Variants in BBS7 observed in about 807,000 individuals in gnomAD.
BBS7 encodes the protein Bardet-Biedl syndrome 7.
In BBS7, 50 loss-of-function variants were observed where a neutral mutation model predicts 90.3. The ratio of observed to expected loss-of-function variants is 0.55; its 90% CI spans 0.44 to 0.70. BBS7 has a LOEUF of 0.70. Ranked by LOEUF, BBS7 falls within the 30% of genes least tolerant of loss-of-function variation. BBS7 has a pLI of 0.00. For synonymous variants in BBS7, 235 were observed against 287.4 expected, an observed-to-expected ratio of 0.82 and a Z score of 1.85; for missense variants, 729 against 838.9, an observed-to-expected ratio of 0.87 and a Z score of 1.62.
chr4:121,854,609 A>G (rs935453135), intron 7 of BBS7, 95 bp downstream of exon 7: 1 of 1,222,742 alleles, frequency 8.2e-7, no homozygotes, highest in Admixed American at 2.2e-5. Context: ...TAAGTCTGCT[A>G]TGTAGTATAA....
chr4:121,826,532 TG>T (rs1724916588), intron 18 of BBS7, among the ~76,000 whole-genome samples: 1 of 152,222 alleles, frequency 6.6e-6, no homozygotes, highest in Non-Finnish European at 1.5e-5. Context: ...TGATGCAAGA[TG>T]TATTTCAGAA....
Position 121,833,113 on chromosome 4 carries a change from C to CT in BBS7, c.1676+117dup, listed in dbSNP as rs1451230092. The CT allele has an allele frequency of 2.7e-5, 26 of 973,578 alleles. No homozygotes were observed. In the East Asian group the frequency reaches 6.4e-4, roughly 24 times the overall value. 60.3% of individuals were successfully genotyped at this position (973,578 alleles called of 1,614,324 possible). On this transcript the variant is annotated intron_variant, in intron 15 of 18. Coordinates refer to ENST00000264499, the MANE Select transcript of BBS7 (RefSeq NM_176824.3). ...CTAATTTGATTTTTCAATAGATTAT[C>CT]TTGAACAGTATAGATTTTCAATCAG... is the stretch of plus-strand genomic sequence containing the variant.
At chr4:121,854,935 AACTT>A (rs1285678647) in intron 6 of BBS7, 115 bp from the exon 7 acceptor site, 6 of 1,016,842 alleles carry the variant, frequency 5.9e-6, no homozygotes, top group Non-Finnish European at 8.7e-6. Flanking sequence ...AAAGATATAA[AACTT>A]AATTGTTGAG....
At position 121,868,011 on chromosome 4, in the gene BBS7, A is replaced by G; in HGVS notation, c.72T>C (p.Ile24=). ...GTGTAGCTCTGTGTCTTGAGGCAGG[A>G]ATTAGCTTCATAGTCTTCTGAGATG... ...GVTSQKTMKL[I]PASRHRATQK... is the part of the protein sequence containing the mutation. Residue 24 remains isoleucine (I), a synonymous_variant, in exon 2 of 19, where the codon ATT becomes ATC. Transcript: ENST00000264499. 1 of 1,613,606 alleles carries G rather than the reference A, an allele frequency of 6.2e-7. No homozygotes were observed. Among genetic ancestry groups the G allele is most frequent in the Non-Finnish European group, 8.5e-7 (1 of 1,179,666 alleles).
intron 18 of BBS7, among the ~76,000 whole-genome samples, chr4:121,826,580 C>T (rs561175662): frequency 6.6e-6 from 1 of 152,312 alleles, no homozygotes; most frequent in South Asian, 2.1e-4. Flanking sequence ...AAGGAATATA[C>T]TATGGTATTA....
Position 121,859,023 on chromosome 4 carries a change from G to A in BBS7, c.497C>T (p.Ala166Val), listed in dbSNP as rs1341540567. 8.1e-6 allele frequency: 13 copies of A among 1,613,746 alleles called. No individual in the cohort carries two copies. Among genetic ancestry groups the A allele is most frequent in the Non-Finnish European group, 1.0e-5 (12 of 1,179,844 alleles). ...AACTCTGAGCACTCTGTCCTGGCAG[G>A]CCAATACAGGTGTGATACGAGATAA... is the stretch of plus-strand genomic sequence containing the variant. Reference protein sequence around the residue: ...ERLSRITPVLACQDRVLRVLQ... With the variant: ...ERLSRITPVLVCQDRVLRVLQ... Residue 166 changes from alanine (A) to valine (V), a missense_variant, in exon 5 of 19, where the codon GCC (alanine) becomes GTC (valine). Transcript: ENST00000264499.
rs113427941 is a variant in BBS7 at position 121,840,133 on chromosome 4, G to T, written c.1306-437C>A. Among the ~76,000 whole-genome samples, 19 of 152,308 alleles carry T rather than the reference G, an allele frequency of 1.2e-4. No individual in the cohort carries two copies. In the South Asian group the frequency reaches 3.9e-3, roughly 32 times the overall value. On this transcript the variant is annotated intron_variant, in intron 12 of 18. Transcript: ENST00000264499. Reference sequence around the variant, plus strand: ...TCCCATGTGTTGTGGGAGGGACTCAGTGGGAGATAATTGAATCATGGGGCC... The same window carrying T: ...TCCCATGTGTTGTGGGAGGGACTCATTGGGAGATAATTGAATCATGGGGCC...
intron 9 of BBS7, 80 bp from the exon 10 acceptor site, chr4:121,847,586 C>T: frequency 1.0e-6 from 1 of 980,204 alleles, no homozygotes; most frequent in South Asian, 1.3e-5. Context: ...ATAGCAGAAA[C>T]TCCAATGTAC....
chr4:121,829,455 C>T (rs1484930326), intron 15 of BBS7, among the ~76,000 whole-genome samples: 1 of 152,196 alleles, frequency 6.6e-6, no homozygotes, highest in African/African-American at 2.4e-5. Context: ...CCAGGATGGT[C>T]TCGATCTCCT....
chr4:121,870,419 A>C lies in BBS7; in HGVS notation c.-106T>G, dbSNP rs1483127425. ...GTCAGAAGGCTGCCCGCGCCCCTCA[A>C]AAGCCAGCCCCAGCTACCGCGCCTA... On this transcript the variant is annotated 5_prime_UTR_variant, in exon 1 of 19. Transcript: ENST00000264499. The C allele has an allele frequency of 7.4e-7, 1 of 1,358,464 alleles. No individual in the cohort carries two copies. Among genetic ancestry groups the C allele is most frequent in the Non-Finnish European group, 1.0e-6 (1 of 958,544 alleles). The allele number at this position is 1,358,464 out of a possible 1,614,324, so 84.2% of individuals were successfully genotyped here.
At chr4:121,866,104 T>G (rs996210403) in intron 2 of BBS7, among the ~76,000 whole-genome samples, 1 of 152,210 alleles carries the variant, frequency 6.6e-6, no homozygotes, top group Non-Finnish European at 1.5e-5. Context: ...GTTCCTTGTA[T>G]ATTCTGGATA....
intron 17 of BBS7, 27 bp from the exon 18 acceptor site, chr4:121,828,296 C>A: frequency 6.2e-7 from 1 of 1,604,360 alleles, no homozygotes; most frequent in Non-Finnish European, 8.5e-7. Flanking sequence ...ACAGAAGCAC[C>A]TTAATATTCA....
At chr4:121,841,724 C>T (rs978478162) in intron 12 of BBS7, among the ~76,000 whole-genome samples, 1 of 152,110 alleles carries the variant, frequency 6.6e-6, no homozygotes, top group Non-Finnish European at 1.5e-5. Flanking sequence ...ATCAAATAGT[C>T]ATTTCAAAGA....
intron 12 of BBS7, among the ~76,000 whole-genome samples, chr4:121,843,246 G>A (rs1476134435): frequency 6.6e-6 from 1 of 152,106 alleles, no homozygotes; most frequent in African/African-American, 2.4e-5. Flanking sequence ...TATTGAAAAG[G>A]TTTTGAGAAA....
At chr4:121,866,944 T>A (rs970385137) in intron 2 of BBS7, among the ~76,000 whole-genome samples, 6 of 152,124 alleles carry the variant, frequency 3.9e-5, no homozygotes, top group African/African-American at 1.4e-4. Context: ...ATTTTAAGAT[T>A]TTTTTTCTCT....
chr4:121,847,962 A>AT (rs1290670164), intron 9 of BBS7, among the ~76,000 whole-genome samples: 1 of 152,134 alleles, frequency 6.6e-6, no homozygotes, highest in African/African-American at 2.4e-5. Flanking sequence ...TCAAAAAAAA[A>AT]GTTTTTATAA....
intron 13 of BBS7, among the ~76,000 whole-genome samples, chr4:121,837,764 C>A (rs535803953): frequency 6.6e-6 from 1 of 152,078 alleles, no homozygotes; most frequent in Non-Finnish European, 1.5e-5. Context: ...TCTTTTCAGG[C>A]ATTTTGTCTT....
rs1725368620 is a variant in BBS7 at position 121,834,822 on chromosome 4, C to T, written c.1511+322G>A. Among the ~76,000 whole-genome samples, 4 of 152,178 alleles carry T rather than the reference C, an allele frequency of 2.6e-5. No individual in the cohort carries two copies. The South Asian group carries it at 8.3e-4, about 32-fold the overall frequency. On this transcript the variant is annotated intron_variant, in intron 14 of 18. Coordinates refer to ENST00000264499, the MANE Select transcript of BBS7 (RefSeq NM_176824.3). ...TATTTGAGGCTGATACAATGAGGTC[C>T]TATTCACAGAGAACTATTATACTAT...
chr4:121,851,698 C>T (rs1726329037), intron 8 of BBS7, among the ~76,000 whole-genome samples: 1 of 152,208 alleles, frequency 6.6e-6, no homozygotes, highest in Non-Finnish European at 1.5e-5. Context: ...CCCTTAACTA[C>T]CTTTTTTGAT....
Sources: allele counts gnomAD v4.1 joint callset (sites outside exome capture counted in the v4.1 genomes callset), GRCh38; gene constraint gnomAD v4.1.1; transcripts MANE v1.5; gene names NCBI Gene and HGNC (gene_info 2026-07-23, HGNC 2026-07-21).